Variants in HFM1 observed in about 807,000 individuals in gnomAD.
HFM1 encodes helicase for meiosis 1, also known as probable ATP-dependent DNA helicase HFM1.
A neutral mutation model predicts 192.1 loss-of-function variants in HFM1; 169 were observed. The observed-to-expected ratio is 0.88, with a 90% CI of 0.78 to 1.00. HFM1 has a LOEUF of 1.00. Among genes scored for constraint, HFM1 ranks in the 50% least tolerant of loss-of-function variants. The pLI is 0.00. For missense variants in HFM1, 1,661 were observed against 1,668.0 expected, an observed-to-expected ratio of 1.00 and a Z score of 0.07; for synonymous variants, 525 against 537.8, an observed-to-expected ratio of 0.98 and a Z score of 0.33.
At chr1:91,272,742 C>G (rs1047228402) in intron 34 of HFM1, among the ~76,000 whole-genome samples, 1 of 151,942 alleles carries the variant, frequency 6.6e-6, no homozygotes, top group Non-Finnish European at 1.5e-5. Flanking sequence ...GGGAACTTTT[C>G]TTGATCTCAT....
At chr1:91,319,819 A>C (rs955272211) in intron 23 of HFM1, among the ~76,000 whole-genome samples, 2 of 152,200 alleles carry the variant, frequency 1.3e-5, no homozygotes, top group Non-Finnish European at 2.9e-5. Context: ...AGAGAAAAAT[A>C]ATACAATTTG....
intron 26 of HFM1, 77 bp downstream of exon 26, chr1:91,316,314 A>G: frequency 9.6e-7 from 1 of 1,039,024 alleles, no homozygotes; most frequent in East Asian, 2.5e-5. Context: ...TAACTATGAG[A>G]AGGAAAATAA....
intron 13 of HFM1, among the ~76,000 whole-genome samples, chr1:91,357,162 G>C (rs1300489133): frequency 6.6e-6 from 1 of 152,124 alleles, no homozygotes; most frequent in Non-Finnish European, 1.5e-5. Context: ...GAAAACTATA[G>C]GCTAGTATCT....
At position 91,277,013 on chromosome 1, in the gene HFM1, A is replaced by ATGTTTACTATG. The variant is rs1666888716; in HGVS notation, c.3440_3441insCATAGTAAACA (p.Lys1148IlefsTer37). ...CATGTCCACATGTATGTTTACTTTT[A>ATGTTTACTATG]CAAAGATGATTGCATTCTCGGTTCC... is the stretch of plus-strand genomic sequence containing the variant. On this transcript the variant is annotated frameshift_variant, in exon 31 of 39. Coordinates refer to ENST00000370425, the MANE Select transcript of HFM1 (RefSeq NM_001017975.6). LOFTEE classifies it high-confidence loss of function. 1 of 1,599,098 alleles carries ATGTTTACTATG rather than the reference A, an allele frequency of 6.3e-7. No homozygotes were observed. Among genetic ancestry groups the ATGTTTACTATG allele is most frequent in the Non-Finnish European group, 8.5e-7 (1 of 1,173,114 alleles).
At chr1:91,351,088 T>C (rs935209691) in intron 17 of HFM1, among the ~76,000 whole-genome samples, 6 of 152,070 alleles carry the variant, frequency 3.9e-5, no homozygotes, top group Non-Finnish European at 7.4e-5. Flanking sequence ...AGACAGGTTA[T>C]TGCTTTAACA....
intron 30 of HFM1, among the ~76,000 whole-genome samples, chr1:91,282,853 C>A (rs907292028): frequency 6.6e-6 from 1 of 152,108 alleles, no homozygotes; most frequent in Non-Finnish European, 1.5e-5. Flanking sequence ...TAAAGAACTT[C>A]TAAAAAAGAT....
At chr1:91,359,788 C>T (rs1297079907) in intron 13 of HFM1, among the ~76,000 whole-genome samples, 1 of 152,086 alleles carries the variant, frequency 6.6e-6, no homozygotes, top group Non-Finnish European at 1.5e-5. Context: ...GAAGATACTC[C>T]ACACGAACAT....
At chr1:91,306,190 G>C (rs999264614) in intron 30 of HFM1, among the ~76,000 whole-genome samples, 1 of 151,882 alleles carries the variant, frequency 6.6e-6, no homozygotes, top group African/African-American at 2.4e-5. Flanking sequence ...AAAATTAGCT[G>C]GGCGTGGTGG....
intron 23 of HFM1, among the ~76,000 whole-genome samples, chr1:91,322,073 A>C (rs1652202534): frequency 6.6e-6 from 1 of 152,210 alleles, no homozygotes; most frequent in African/African-American, 2.4e-5. Flanking sequence ...GTTTACTATG[A>C]TCTCTAAGGA....
chr1:91,391,981 C>G (rs868154487), intron 4 of HFM1, among the ~76,000 whole-genome samples: 1 of 152,108 alleles, frequency 6.6e-6, no homozygotes, highest in African/African-American at 2.4e-5. Context: ...ATGCAGCCAA[C>G]AGACACATGA....
At chr1:91,403,228 C>T (rs552007147) in intron 1 of HFM1, among the ~76,000 whole-genome samples, 5 of 152,168 alleles carry the variant, frequency 3.3e-5, no homozygotes, top group African/African-American at 1.2e-4. Context: ...CAGAATAGTG[C>T]CTGGCACACA....
intron 30 of HFM1, among the ~76,000 whole-genome samples, chr1:91,298,218 C>T (rs535903202): frequency 9.9e-5 from 15 of 151,930 alleles, no homozygotes; most frequent in East Asian, 7.7e-4. Context: ...TGAAATGAAG[C>T]GAGAAGAGAA....
intron 13 of HFM1, among the ~76,000 whole-genome samples, chr1:91,361,641 C>T (rs1298011308): frequency 2.0e-5 from 3 of 152,180 alleles, no homozygotes; most frequent in Non-Finnish European, 4.4e-5. Context: ...AAAGCTGTCA[C>T]CATTTCTACT....
At chr1:91,352,696 T>C (rs749706305) in intron 15 of HFM1, 45 bp from the exon 16 acceptor site, 5 of 1,432,522 alleles carry the variant, frequency 3.5e-6, no homozygotes, top group Middle Eastern at 2.1e-4. Flanking sequence ...TTTAACTTTG[T>C]TGCTTCAGGA....
intron 34 of HFM1, among the ~76,000 whole-genome samples, chr1:91,270,168 A>G (rs1666146657): frequency 6.6e-6 from 1 of 152,172 alleles, no homozygotes; most frequent in Admixed American, 6.6e-5. Flanking sequence ...GAGAGAATGA[A>G]TGCTTAAGCT....
chr1:91,275,356 T>G (rs1666711881), intron 32 of HFM1, among the ~76,000 whole-genome samples: 1 of 152,170 alleles, frequency 6.6e-6, no homozygotes, highest in Non-Finnish European at 1.5e-5. Context: ...AAGATCTCAT[T>G]TATTCCTGTG....
chr1:91,300,291 A>C (rs1098478), intron 30 of HFM1, among the ~76,000 whole-genome samples: 5 of 151,946 alleles, frequency 3.3e-5, no homozygotes, highest in East Asian at 1.9e-4. Flanking sequence ...GGCAATAATT[A>C]ATAGCTTACC....
In HFM1 at chr1:91,353,317, A is replaced by G; in HGVS notation, c.1686-18T>C. 1 of 1,431,292 alleles carries G rather than the reference A, an allele frequency of 7.0e-7. No homozygotes were observed. Among genetic ancestry groups the G allele is most frequent in the Non-Finnish European group, 9.7e-7 (1 of 1,029,148 alleles). 88.7% of individuals were successfully genotyped at this position (1,431,292 alleles called of 1,614,324 possible). On this transcript the variant is annotated intron_variant, in intron 13 of 38. Coordinates refer to ENST00000370425, the MANE Select transcript of HFM1 (RefSeq NM_001017975.6). ...TCTGTAACCTATTTAAAAATACCATAAAATTATTGAGTTACTCCCAGTAAC... is the reference window on the plus strand; with the variant it reads ...TCTGTAACCTATTTAAAAATACCATGAAATTATTGAGTTACTCCCAGTAAC...
chr1:91,316,415 C>G lies in HFM1; in HGVS notation c.2874G>C (p.Glu958Asp). 1 of 1,575,482 alleles carries G rather than the reference C, an allele frequency of 6.3e-7. No individual in the cohort carries two copies. The highest frequency in any genetic ancestry group is 8.7e-7 in the Non-Finnish European group (1 of 1,154,858). ...CCAATTCAAGTTCCCTTGCATCTGT[C>G]TCTTCTATTTTTTTAAAGGAAGTCA... is the stretch of plus-strand genomic sequence containing the variant. ...AGLTSFKKIE[E>D]TDARELELIL... is the part of the protein sequence containing the mutation. Residue 958 changes from glutamate (E) to aspartate (D), a missense_variant, in exon 26 of 39, where the codon GAG becomes GAC. Physicochemically the swap from Glu to Asp is conservative, Grantham distance 45 (BLOSUM62 2). Transcript: ENST00000370425.
Sources: allele counts gnomAD v4.1 joint callset (sites outside exome capture counted in the v4.1 genomes callset), GRCh38; gene constraint gnomAD v4.1.1; transcripts MANE v1.5; gene names NCBI Gene and HGNC (gene_info 2026-07-23, HGNC 2026-07-21).